Variants in UBR3 observed in about 807,000 individuals in gnomAD.
UBR3 encodes ubiquitin protein ligase E3 component n-recognin 3, also known as E3 ubiquitin-protein ligase UBR3.
In UBR3, 85 loss-of-function variants were observed where a neutral mutation model predicts 243.2. The ratio of observed to expected loss-of-function variants is 0.35; its 90% CI spans 0.29 to 0.42. UBR3 has a LOEUF of 0.42. Ranked by LOEUF, UBR3 falls within the 10% of genes least tolerant of loss-of-function variation. UBR3 has a pLI of 1.00. For synonymous variants in UBR3, 748 were observed against 799.8 expected, an observed-to-expected ratio of 0.94 and a Z score of 1.09; for missense variants, 1,686 against 2,300.8, an observed-to-expected ratio of 0.73 and a Z score of 5.47.
At chr2:169,997,035 A>C (rs1238736699) in intron 26 of UBR3, among the ~76,000 whole-genome samples, 1 of 151,946 alleles carries the variant, frequency 6.6e-6, no homozygotes, top group Non-Finnish European at 1.5e-5. Context: ...TACATATATT[A>C]CTTTATTAAT....
At chr2:170,078,103 G>T in intron 36 of UBR3, 2 of 638,684 alleles carry the variant, frequency 3.1e-6, no homozygotes, top group South Asian at 1.5e-5. Context: ...GCATCTTGAT[G>T]GTCTTTTTCA....
Position 169,949,800 on chromosome 2 carries a change from A to G in UBR3, c.3280A>G (p.Ile1094Val). 3 of 1,552,736 alleles carry G rather than the reference A, an allele frequency of 1.9e-6. No individual in the cohort carries two copies. The highest frequency in any genetic ancestry group is 2.6e-6 in the Non-Finnish European group (3 of 1,147,234). The change falls in exon 23 of 39, where the codon ATT becomes GTT. Residue 1094 changes from isoleucine (I) to valine (V), a missense_variant. Around this residue, in one of 8 missense-constraint regions of UBR3, gnomAD observed 300 missense variants for 314.4 expected, o/e 0.95. Coordinates refer to ENST00000272793, the MANE Select transcript of UBR3 (RefSeq NM_172070.4). Reference sequence around the variant, plus strand: ...TAAAGAAAGCATATTGTCTTTGCTAATTAAACTTCACCACAAACTCTCAGG... The same window carrying G: ...TAAAGAAAGCATATTGTCTTTGCTAGTTAAACTTCACCACAAACTCTCAGG... ...EIKESILSLL[I>V]KLHHKLSGKQ...
intron 30 of UBR3, among the ~76,000 whole-genome samples, chr2:170,021,857 G>A (rs955102805): frequency 6.6e-6 from 1 of 152,090 alleles, no homozygotes; most frequent in Non-Finnish European, 1.5e-5. Context: ...AAGTAGCCAG[G>A]CCTTTCTGTA....
At position 169,937,887 on chromosome 2, in the gene UBR3, T is replaced by A. The variant is rs1170278861; in HGVS notation, c.2664-4606T>A. On this transcript the variant is annotated intron_variant, in intron 19 of 38. Transcript: ENST00000272793. ...CCTGGTCAGATTCCTCAGGGAAGTA[T>A]CCTCAGATATTGCCCAGAAGGAAAT... is the stretch of plus-strand genomic sequence containing the variant. 2.6e-5 allele frequency among the ~76,000 whole-genome samples: 4 copies of A among 152,212 alleles called. No individual in the cohort carries two copies. In the East Asian group the frequency reaches 7.7e-4, roughly 29 times the overall value.
In UBR3 at chr2:169,954,223, G is replaced by GTCTTGTCTTGTCTTCTCTTC. The variant is rs1311219124; in HGVS notation, c.3545+4162_3545+4163insGTCTTGTCTTCTCTTCTCTT. On this transcript the variant is annotated intron_variant, in intron 23 of 38. Transcript: ENST00000272793. ...GTCTTGTCTTGTCTTGTCTTGTCTT[G>GTCTTGTCTTGTCTTCTCTTC]TCTTCTCTTCTTAATTCATTTCTTT... 2.1e-3 allele frequency among the ~76,000 whole-genome samples: 256 copies of GTCTTGTCTTGTCTTCTCTTC among 124,620 alleles called. 1 individual carries two copies. Among genetic ancestry groups the GTCTTGTCTTGTCTTCTCTTC allele is most frequent in the African/African-American group, 7.0e-3 (248 of 35,588 alleles). 81.8% of individuals were successfully genotyped at this position (124,620 alleles called of 152,430 possible). A position where few individuals can be genotyped will look rare whatever the true frequency, so the allele number is the denominator to read the frequency against.
intron 1 of UBR3, among the ~76,000 whole-genome samples, chr2:169,831,762 C>G (rs1293962703): frequency 1.3e-5 from 2 of 152,138 alleles, no homozygotes; most frequent in Non-Finnish European, 2.9e-5. Flanking sequence ...TTCTCATGGG[C>G]AAAGCTGGAC....
chr2:169,860,259 T>A (rs1414834985), intron 1 of UBR3, among the ~76,000 whole-genome samples: 1 of 152,182 alleles, frequency 6.6e-6, no homozygotes, highest in Non-Finnish European at 1.5e-5. Flanking sequence ...ATGCCAGAAT[T>A]TCTGCACTTT....
At chr2:169,974,740 C>T (rs1014629460) in intron 24 of UBR3, among the ~76,000 whole-genome samples, 3 of 152,068 alleles carry the variant, frequency 2.0e-5, no homozygotes, top group African/African-American at 7.2e-5. Context: ...CCTTGAGATA[C>T]ATTATTAGGT....
At chr2:169,836,064 TATA>T (rs1162720425) in intron 1 of UBR3, among the ~76,000 whole-genome samples, 1,323 of 55,628 alleles carry the variant, frequency 0.024, 136 homozygotes, top group East Asian at 0.031. Context: ...TATATATATA[TATA>T]TTTTTTTTTT....
intron 24 of UBR3, among the ~76,000 whole-genome samples, chr2:169,973,539 C>G (rs1405455448): frequency 2.0e-5 from 3 of 152,104 alleles, no homozygotes; most frequent in Non-Finnish European, 4.4e-5. Flanking sequence ...ACTGATTTTT[C>G]TATGTTAATT....
chr2:169,845,558 C>CT (rs1266239731), intron 1 of UBR3, among the ~76,000 whole-genome samples: 1 of 144,068 alleles, frequency 6.9e-6, no homozygotes, highest in Non-Finnish European at 1.5e-5. Flanking sequence ...CTTCTTTCTT[C>CT]TTCTTCTTCT....
chr2:169,901,732 A>G (rs769601137), intron 8 of UBR3, among the ~76,000 whole-genome samples: 29 of 152,338 alleles, frequency 1.9e-4, no homozygotes, highest in African/African-American at 6.5e-4. Context: ...TGTGATTCCT[A>G]CCTTCTACTT....
At chr2:169,913,843 ATGTAT>A (rs1012045226) in intron 10 of UBR3, among the ~76,000 whole-genome samples, 12 of 152,266 alleles carry the variant, frequency 7.9e-5, no homozygotes, top group African/African-American at 2.2e-4. Context: ...ATTTTTAGAA[ATGTAT>A]TGTAAAAAAG....
intron 24 of UBR3, among the ~76,000 whole-genome samples, chr2:169,979,171 A>G (rs577733355): frequency 6.6e-6 from 1 of 152,382 alleles, no homozygotes; most frequent in South Asian, 2.1e-4. Context: ...CAGCATCATT[A>G]TCATTAGGGA....
At chr2:169,993,112 T>C (rs1297768385) in intron 25 of UBR3, among the ~76,000 whole-genome samples, 1 of 152,184 alleles carries the variant, frequency 6.6e-6, no homozygotes, top group Non-Finnish European at 1.5e-5. Flanking sequence ...CTAAGAAATG[T>C]AACATTAGTA....
At chr2:169,982,062 A>T (rs992259297) in intron 24 of UBR3, among the ~76,000 whole-genome samples, 2 of 152,224 alleles carry the variant, frequency 1.3e-5, no homozygotes, top group African/African-American at 4.8e-5. Flanking sequence ...CTAGGTTAGT[A>T]GCAAGTACTT....
intron 35 of UBR3, among the ~76,000 whole-genome samples, chr2:170,068,252 C>T (rs753796880): frequency 1.3e-5 from 2 of 152,118 alleles, no homozygotes; most frequent in East Asian, 1.9e-4. Flanking sequence ...GGGCAGATCA[C>T]GAGGTCAGGA....
At chr2:170,043,626 C>G (rs1253748834) in intron 32 of UBR3, among the ~76,000 whole-genome samples, 3 of 152,054 alleles carry the variant, frequency 2.0e-5, no homozygotes, top group African/African-American at 7.2e-5. Flanking sequence ...AAATTCATTG[C>G]TTGATTCAGT....
chr2:169,894,341 A>AAC (rs2084498148), intron 6 of UBR3, among the ~76,000 whole-genome samples: 1 of 147,568 alleles, frequency 6.8e-6, no homozygotes, highest in South Asian at 2.2e-4. Flanking sequence ...AAAAAAAAAA[A>AAC]AAAAAAAAGA....
Sources: allele counts gnomAD v4.1 joint callset (sites outside exome capture counted in the v4.1 genomes callset), GRCh38; gene constraint gnomAD v4.1.1; regional missense constraint gnomAD v4.1.1; transcripts MANE v1.5; gene names NCBI Gene and HGNC (gene_info 2026-07-23, HGNC 2026-07-21).